The following RBX1 variants were observed in gnomAD, a reference collection of about 807,000 sequenced individuals.
RBX1 encodes E3 ubiquitin-protein ligase RBX1.
For synonymous variants in RBX1, 48 were observed against 47.9 expected (o/e 1.00, Z -0.01); for missense variants, 46 against 141.4 (o/e 0.33, Z 3.42).
chr22:40,971,385 T>C (rs1228034956), intron 4 of RBX1, among the ~76,000 whole-genome samples: 1 of 152,176 alleles, frequency 6.6e-6, no homozygotes, highest in Non-Finnish European at 1.5e-5. Context: ...AGATTTCTTA[T>C]GAGAAGCTGT....
At chr22:40,963,288 T>C (rs2058345940) in intron 2 of RBX1, among the ~76,000 whole-genome samples, 1 of 152,230 alleles carries the variant, frequency 6.6e-6, no homozygotes, top group Admixed American at 6.5e-5. Flanking sequence ...ATTCTTGTTC[T>C]GTGAATATTT....
At chr22:40,962,919 A>G (rs1389712973) in intron 2 of RBX1, among the ~76,000 whole-genome samples, 1 of 149,098 alleles carries the variant, frequency 6.7e-6, no homozygotes, top group Admixed American at 6.8e-5. Context: ...GATGGTCTCA[A>G]AGTCCTGACC....
chr22:40,963,358 A>G (rs942266844), intron 2 of RBX1, among the ~76,000 whole-genome samples: 2 of 151,840 alleles, frequency 1.3e-5, no homozygotes, highest in Non-Finnish European at 2.9e-5. Context: ...ATTGCAGGCC[A>G]GGTGCGGTGG....
chr22:40,963,017 A>G (rs2058345409), intron 2 of RBX1, among the ~76,000 whole-genome samples: 1 of 147,944 alleles, frequency 6.8e-6, no homozygotes, highest in South Asian at 2.1e-4. Context: ...AGTTTTTCAT[A>G]TTTTTAGTAG....
intron 3 of RBX1, chr22:40,967,049 C>G (rs2058356226): frequency 6.6e-6 from 1 of 152,154 alleles, no homozygotes; most frequent in Non-Finnish European, 1.5e-5. Flanking sequence ...CTTTTTACTT[C>G]TTGTCTTGAT....
chr22:40,962,087 TATGG>T (rs1050688256), intron 2 of RBX1, among the ~76,000 whole-genome samples: 2 of 145,822 alleles, frequency 1.4e-5, no homozygotes, highest in East Asian at 1.9e-4. Context: ...CCCAGCCTTT[TATGG>T]TTTGTTTGTT....
At chr22:40,971,060 AG>A (rs1406156527) in intron 4 of RBX1, among the ~76,000 whole-genome samples, 1 of 152,216 alleles carries the variant, frequency 6.6e-6, no homozygotes, top group Non-Finnish European at 1.5e-5. Context: ...CATAGTTTTC[AG>A]GGGGCCTTTG....
intron 2 of RBX1, among the ~76,000 whole-genome samples, chr22:40,957,562 C>T (rs1191748275): frequency 2.6e-5 from 4 of 151,862 alleles, no homozygotes; most frequent in Admixed American, 6.6e-5. Context: ...CCCTTGAGCC[C>T]GGGAGGCAGA....
At chr22:40,953,231 C>T (rs951604631) in intron 1 of RBX1, among the ~76,000 whole-genome samples, 6 of 152,080 alleles carry the variant, frequency 3.9e-5, no homozygotes, top group African/African-American at 1.4e-4. Flanking sequence ...CCTCAGTGAT[C>T]GGCCCGCCTC....
At position 40,951,455 on chromosome 22, in the gene RBX1, G is replaced by A. The variant is rs764664350; in HGVS notation, c.57G>A (p.Lys19=). ...GCGGCACCAACAGCGGCGCGGGCAAGAAGCGCTTTGAAGTGAAAAAGGTTG... is the reference window on the plus strand; with the variant it reads ...GCGGCACCAACAGCGGCGCGGGCAAAAAGCGCTTTGAAGTGAAAAAGGTTG... ...TPSGTNSGAG[K]KRFEVKKWNA... The change falls in exon 1 of 5, where the codon AAG becomes AAA. Residue 19 remains lysine, a synonymous_variant. Coordinates refer to ENST00000216225, the MANE Select transcript of RBX1 (RefSeq NM_014248.4). The A allele has an allele frequency of 6.2e-7, 1 of 1,613,688 alleles. No individual in the cohort carries two copies. The highest frequency in any genetic ancestry group is 8.5e-7 in the Non-Finnish European group (1 of 1,179,844).
At chr22:40,968,112 A>T (rs2058359074) in intron 4 of RBX1, among the ~76,000 whole-genome samples, 2 of 114,008 alleles carry the variant, frequency 1.8e-5, no homozygotes, top group African/African-American at 6.9e-5. Flanking sequence ...TTTTTTTGAG[A>T]CGGAGTCTCG....
rs5758139 is a variant in RBX1, at chr22:40,956,191, C to T, written c.157+2558C>T. Among the ~76,000 whole-genome samples, 1,121 of 152,066 alleles carry T rather than the reference C, an allele frequency of 7.4e-3. 111 individuals are homozygous for T. The East Asian group carries it at 0.2, about 27-fold the overall frequency. On this transcript the variant is annotated intron_variant, in intron 2 of 4. Coordinates refer to ENST00000216225, the MANE Select transcript of RBX1 (RefSeq NM_014248.4). ...TTCTCTTAGAGTGAAATGCTTGAGACATCATATTAGGCTTTCAGTGGGATA... is the reference window on the plus strand; with the variant it reads ...TTCTCTTAGAGTGAAATGCTTGAGATATCATATTAGGCTTTCAGTGGGATA...
rs531206008 is a variant in RBX1 at position 40,956,463 on chromosome 22, C to T, written c.157+2830C>T. ...GGCTGGAGTTCAAGTGATTCTCCTG[C>T]GTCAGCCTCCCAAGTAGCTGGGACT... On this transcript the variant is annotated intron_variant, in intron 2 of 4. Coordinates refer to ENST00000216225, the MANE Select transcript of RBX1 (RefSeq NM_014248.4). 4.0e-5 allele frequency among the ~76,000 whole-genome samples: 6 copies of T among 148,950 alleles called. No individual in the cohort carries two copies. The East Asian group carries it at 1.2e-3, about 30-fold the overall frequency.
intron 3 of RBX1, among the ~76,000 whole-genome samples, chr22:40,965,834 A>G (rs575502374): frequency 6.6e-6 from 1 of 152,304 alleles, no homozygotes; most frequent in Admixed American, 6.5e-5. Flanking sequence ...GGGGAGCTTT[A>G]ATCGTTCATG....
chr22:40,957,651 CTG>C (rs1820704452), intron 2 of RBX1, among the ~76,000 whole-genome samples: 1 of 152,084 alleles, frequency 6.6e-6, no homozygotes, highest in Admixed American at 6.6e-5. Flanking sequence ...AAGAGAAACA[CTG>C]TTTATTTTTT....
chr22:40,972,916 A>G lies in RBX1; in HGVS notation c.*428A>G, dbSNP rs1411631699. On this transcript the variant is annotated 3_prime_UTR_variant, in exon 5 of 5. Transcript: ENST00000216225. ...GCAGTGGGCAGCTGAAAGAGGGAAG[A>G]ATGTGGGATTCAGTCATCAAACCCA... 6.0e-6 allele frequency: 1 copy of G among 167,096 alleles called. No homozygotes were observed. The highest frequency in any genetic ancestry group is 2.4e-5 in the African/African-American group (1 of 41,854). The allele number at this position is 167,096 out of a possible 1,614,324, so 10.4% of individuals were successfully genotyped here.
At chr22:40,965,102 A>C (rs1346172556) in intron 3 of RBX1, among the ~76,000 whole-genome samples, 1 of 152,100 alleles carries the variant, frequency 6.6e-6, no homozygotes, top group East Asian at 1.9e-4. Flanking sequence ...CAGCAGATGG[A>C]GACATCCTGG....
intron 2 of RBX1, among the ~76,000 whole-genome samples, chr22:40,956,182 T>C (rs2058324871): frequency 6.6e-6 from 1 of 152,146 alleles, no homozygotes; most frequent in Admixed American, 6.6e-5. Context: ...TAGAGTGAAA[T>C]GCTTGAGACA....
chr22:40,951,702 C>T (rs1290627907), intron 1 of RBX1, among the ~76,000 whole-genome samples: 2 of 151,236 alleles, frequency 1.3e-5, no homozygotes. Flanking sequence ...GGGCCAATCA[C>T]AGAGCTGCTT....
Sources: gnomAD v4.1 joint callset for allele counts (sites outside exome capture counted in the v4.1 genomes callset) on GRCh38, gnomAD v4.1.1 for gene constraint, MANE v1.5 for transcripts, NCBI Gene and HGNC (gene_info 2026-07-23, HGNC 2026-07-21) for gene names.